The following ACTR3C variants were observed in gnomAD, a reference collection of about 807,000 sequenced individuals.
ACTR3C encodes actin related protein 3C.
In ACTR3C, 18 loss-of-function variants were observed where a neutral mutation model predicts 26.3. The observed-to-expected ratio is 0.68, with a 90% CI of 0.47 to 1.01. The LOEUF is 1.01. Among genes scored for constraint, ACTR3C ranks in the 50% least tolerant of loss-of-function variants. ACTR3C has a pLI of 0.00. For synonymous variants in ACTR3C, 55 were observed against 94.5 expected, an observed-to-expected ratio of 0.58 and a Z score of 2.42; for missense variants, 184 against 250.7, an observed-to-expected ratio of 0.73 and a Z score of 1.80.
intron 6 of ACTR3C, among the ~76,000 whole-genome samples, chr7:150,257,144 A>G (rs1293838573): frequency 2.6e-5 from 4 of 152,238 alleles, no homozygotes; most frequent in African/African-American, 9.6e-5. Flanking sequence ...ATTATGAGGT[A>G]GCTAAAGCAG....
the ACTR3C span, among the ~76,000 whole-genome samples, chr7:150,221,146 C>CG: frequency 6.6e-6 from 1 of 152,238 alleles, no homozygotes; most frequent in South Asian, 2.1e-4. Flanking sequence ...GCGCTGCGCG[C>CG]GGAGGCCCGG....
At chr7:149,974,627 G>T in the ACTR3C span, among the ~76,000 whole-genome samples, 136 of 152,258 alleles carry the variant, frequency 8.9e-4, no homozygotes, top group African/African-American at 3.2e-3. Context: ...TCTGTGATGG[G>T]AACAATCATT....
the ACTR3C span, among the ~76,000 whole-genome samples, chr7:149,902,007 A>G: frequency 2.7e-5 from 4 of 150,402 alleles, no homozygotes; most frequent in African/African-American, 9.7e-5. Flanking sequence ...GGATTATAGG[A>G]TGTGGGTAAC....
the ACTR3C span, among the ~76,000 whole-genome samples, chr7:149,957,646 C>A: frequency 2.6e-5 from 4 of 152,058 alleles, no homozygotes; most frequent in South Asian, 8.3e-4. Flanking sequence ...GGTTCTGAGG[C>A]TTCCAGAGTT....
the ACTR3C span, among the ~76,000 whole-genome samples, chr7:149,931,640 C>T: frequency 6.6e-6 from 1 of 152,164 alleles, no homozygotes; most frequent in Non-Finnish European, 1.5e-5. Flanking sequence ...AAGTGTCAAC[C>T]TGGAGGAGTT....
At chr7:149,888,859 G>C in the ACTR3C span, among the ~76,000 whole-genome samples, 1 of 151,956 alleles carries the variant, frequency 6.6e-6, no homozygotes, top group Non-Finnish European at 1.5e-5. Flanking sequence ...AATACAAAAA[G>C]TAGCCGGACG....
chr7:149,900,168 T>A, the ACTR3C span, among the ~76,000 whole-genome samples: 19,064 of 150,316 alleles, frequency 0.13, 1,364 homozygotes, highest in East Asian at 0.3. Flanking sequence ...TTGTTGTTTT[T>A]GTTTTTGTTT....
the ACTR3C span, among the ~76,000 whole-genome samples, chr7:150,003,553 A>G: frequency 6.6e-6 from 1 of 150,580 alleles, no homozygotes; most frequent in Non-Finnish European, 1.5e-5. Context: ...TGTGTGTGGT[A>G]TGTAGGATGT....
the ACTR3C span, among the ~76,000 whole-genome samples, chr7:150,143,021 C>T: frequency 5.3e-5 from 8 of 150,502 alleles, no homozygotes; most frequent in Non-Finnish European, 1.0e-4. Flanking sequence ...TTAGTAGAGA[C>T]AGGTTTCACC....
At chr7:149,901,956 C>G in the ACTR3C span, among the ~76,000 whole-genome samples, 4 of 119,252 alleles carry the variant, frequency 3.4e-5, no homozygotes, top group Non-Finnish European at 5.4e-5. Flanking sequence ...ATTCTTTTTT[C>G]CAACAAGCTC....
At chr7:150,204,140 G>T in the ACTR3C span, among the ~76,000 whole-genome samples, 2 of 149,176 alleles carry the variant, frequency 1.3e-5, no homozygotes, top group African/African-American at 5.1e-5. Context: ...AAAGGAGAAG[G>T]TGTCACAGAG....
At chr7:149,932,997 G>A in the ACTR3C span, among the ~76,000 whole-genome samples, 1 of 148,778 alleles carries the variant, frequency 6.7e-6, no homozygotes, top group Non-Finnish European at 1.5e-5. Context: ...AAGTCCAGGT[G>A]GAAGGCTCAG....
the ACTR3C span, among the ~76,000 whole-genome samples, chr7:149,951,549 G>A: frequency 6.6e-6 from 1 of 150,856 alleles, no homozygotes; most frequent in Non-Finnish European, 1.5e-5. Flanking sequence ...CTCAGCTAGA[G>A]GCACCTGCAG....
chr7:149,899,625 A>C, the ACTR3C span, among the ~76,000 whole-genome samples: 1 of 148,018 alleles, frequency 6.8e-6, no homozygotes, highest in Non-Finnish European at 1.5e-5. Flanking sequence ...CAGAGCCCAG[A>C]GCCTCAGGGA....
At chr7:150,046,335 C>A in the ACTR3C span, among the ~76,000 whole-genome samples, 1 of 98,084 alleles carries the variant, frequency 1.0e-5, no homozygotes, top group Admixed American at 1.3e-4. Flanking sequence ...GGAAATCACT[C>A]AATGTCTCAC....
the ACTR3C span, among the ~76,000 whole-genome samples, chr7:150,039,493 C>G: frequency 9.7e-5 from 7 of 72,228 alleles, 1 homozygote; most frequent in African/African-American, 3.1e-4. Context: ...GGATAGCTCT[C>G]AGTCCCCACT....
chr7:150,287,748 T>G (rs1406638335), intron 4 of ACTR3C, among the ~76,000 whole-genome samples: 1 of 148,556 alleles, frequency 6.7e-6, no homozygotes, highest in Non-Finnish European at 1.5e-5. Flanking sequence ...AGGCAAGAAG[T>G]GCTACACAAC....
At chr7:150,035,139 G>C in the ACTR3C span, among the ~76,000 whole-genome samples, 1 of 132,928 alleles carries the variant, frequency 7.5e-6, no homozygotes, top group African/African-American at 2.8e-5. Flanking sequence ...AGGATCTTAG[G>C]ATCAACGATG....
the ACTR3C span, among the ~76,000 whole-genome samples, chr7:150,083,931 T>C: frequency 6.6e-6 from 1 of 152,098 alleles, no homozygotes; most frequent in Admixed American, 6.5e-5. Context: ...GTATGAAAGT[T>C]CCCCCAAAAT....
Sources: gnomAD v4.1 joint callset for allele counts (sites outside exome capture counted in the v4.1 genomes callset) on GRCh38, gnomAD v4.1.1 for gene constraint, MANE v1.5 for transcripts, NCBI Gene and HGNC (gene_info 2026-07-23, HGNC 2026-07-21) for gene names.